MLH3: variants seen among roughly 807,000 people sequenced by gnomAD.
MLH3 encodes the protein mutL homolog 3, also known as DNA mismatch repair protein Mlh3.
Under a neutral mutation model 122.2 loss-of-function variants are expected in MLH3, and 82 were observed. That is an observed-to-expected ratio of 0.67 (90% CI 0.56 to 0.81). The LOEUF is 0.81. Ranked by LOEUF, MLH3 falls within the 30% of genes least tolerant of loss-of-function variation. The probability of loss-of-function intolerance (pLI) is 0.00; values close to 1 mark genes in which losing one functional copy is unlikely to be tolerated. For synonymous variants in MLH3, 524 were observed against 599.5 expected (o/e 0.87, Z 1.84); for missense variants, 1,539 against 1,714.5 (o/e 0.90, Z 1.81).
In MLH3 at chr14:75,015,852, G is replaced by A. The variant is rs1411160482; in HGVS notation, c.*1230C>T. The A allele has an allele frequency of 1.8e-5, 4 of 225,582 alleles. No homozygotes were observed. The highest frequency in any genetic ancestry group is 6.7e-5 in the African/African-American group (3 of 44,874). The allele number at this position is 225,582 out of a possible 1,614,324, so 14.0% of individuals were successfully genotyped here. ...AAAGGAACTTTTCTTCCATGAGCAC[G>A]AATTGGTTTCCTGTATTAAAAAATG... On this transcript the variant is annotated 3_prime_UTR_variant, in exon 13 of 13. Transcript: ENST00000355774.
intron 9 of MLH3, among the ~76,000 whole-genome samples, chr14:75,025,320 C>G (rs900210139): frequency 6.6e-6 from 1 of 152,160 alleles, no homozygotes; most frequent in Non-Finnish European, 1.5e-5. Context: ...CCACCTCATC[C>G]CCAGGAAATG....
intron 6 of MLH3, among the ~76,000 whole-genome samples, chr14:75,035,599 T>C (rs1015758634): frequency 8.5e-5 from 13 of 152,360 alleles, no homozygotes; most frequent in African/African-American, 3.1e-4. Flanking sequence ...ACAAATTCTA[T>C]ATTCATGATA....
intron 11 of MLH3, 183 bp from the exon 12 acceptor site, chr14:75,019,163 G>A (rs1006526952): frequency 1.7e-6 from 1 of 602,818 alleles, no homozygotes; most frequent in East Asian, 3.0e-5. Context: ...TGTAATCCCA[G>A]CACTTTGGGA....
rs1485336498 is a variant in MLH3 at position 75,018,421 on chromosome 14, C to T, written c.4242+408G>A. ...GGGATGGCCAGCTACAGTCACAGATCACCGTTTCCAGCAGGTACTATCAAG... is the reference window on the plus strand; with the variant it reads ...GGGATGGCCAGCTACAGTCACAGATTACCGTTTCCAGCAGGTACTATCAAG... On this transcript the variant is annotated intron_variant, in intron 12 of 12. Transcript: ENST00000355774. 7.2e-5 allele frequency among the ~76,000 whole-genome samples: 11 copies of T among 152,184 alleles called. No homozygotes were observed. In the East Asian group the frequency reaches 2.1e-3, roughly 29 times the overall value.
intron 9 of MLH3, among the ~76,000 whole-genome samples, chr14:75,024,279 G>A (rs1479312689): frequency 1.3e-5 from 2 of 152,026 alleles, no homozygotes; most frequent in African/African-American, 2.4e-5. Flanking sequence ...TTGGCTCACC[G>A]CAACCTCTGC....
At position 75,039,893 on chromosome 14, in the gene MLH3, T is replaced by G; in HGVS notation, c.3570+18A>C. ...TATATATATATATATTTATGAGATT[T>G]TGAAGTTAATCTTTTACCTGCATTG... is the stretch of plus-strand genomic sequence containing the variant. On this transcript the variant is annotated intron_variant, in intron 5 of 12. Coordinates refer to ENST00000355774, the MANE Select transcript of MLH3 (RefSeq NM_001040108.2). The G allele has an allele frequency of 2.4e-6, 2 of 823,784 alleles. No homozygotes were observed. Among genetic ancestry groups the G allele is most frequent in the Non-Finnish European group, 3.8e-6 (2 of 526,926 alleles). 51.0% of individuals were successfully genotyped at this position (823,784 alleles called of 1,614,324 possible). A position where few individuals can be genotyped will look rare whatever the true frequency, so the allele number is the denominator to read the frequency against.
Position 75,039,960 on chromosome 14 carries a change from T to C in MLH3, c.3521A>G (p.Asn1174Ser). 1 of 1,598,218 alleles carries C rather than the reference T, an allele frequency of 6.3e-7. No individual in the cohort carries two copies. The highest frequency in any genetic ancestry group is 1.1e-5 in the South Asian group (1 of 90,824). ...QAESLAVKIHNILYPYRFTKG... is the reference protein window; with the variant it reads ...QAESLAVKIHSILYPYRFTKG... The stretch of plus-strand genomic sequence containing the variant: ...GGTGAAACGATAGGGATACAAGATG[T>C]TGTGAATTTTAACTGCTAAGCTCTC... Residue 1174 changes from asparagine to serine, a missense_variant, in exon 5 of 13, where the codon AAC becomes AGC. Coordinates refer to ENST00000355774, the MANE Select transcript of MLH3 (RefSeq NM_001040108.2).
chr14:75,029,809 A>G (rs1385922101), intron 9 of MLH3, among the ~76,000 whole-genome samples: 1 of 152,092 alleles, frequency 6.6e-6, no homozygotes, highest in Admixed American at 6.5e-5. Context: ...TGCTGGCATT[A>G]CAGGTGTGAG....
rs1891085706 is a variant in MLH3 at position 75,032,092 on chromosome 14, G to C, written c.3803C>G (p.Thr1268Arg). Residue 1268 changes from threonine to arginine, a missense_variant, in exon 8 of 13, where the codon ACA (threonine) becomes AGA (arginine). Physicochemically the swap from Thr to Arg is moderately conservative, Grantham distance 71. Coordinates refer to ENST00000355774, the MANE Select transcript of MLH3 (RefSeq NM_001040108.2). ...CCATAAGAGTCTCCTTTGTTCCTCT[G>C]TCACTGTTATCTCTAGCGGAGGAAT... ...TLIPPLEITV[T>R]EEQRRLLWCY... 25 of 1,611,770 alleles carry C rather than the reference G, an allele frequency of 1.6e-5. No homozygotes were observed. The highest frequency in any genetic ancestry group is 2.1e-5 in the Non-Finnish European group (25 of 1,177,884).
intron 9 of MLH3, among the ~76,000 whole-genome samples, chr14:75,024,570 C>T (rs1469041207): frequency 1.3e-5 from 2 of 152,202 alleles, no homozygotes; most frequent in African/African-American, 4.8e-5. Context: ...TGCCATGGCG[C>T]GATCTCAGCT....
At chr14:75,046,224 C>A in intron 2 of MLH3, 152 bp downstream of exon 2, 1 of 690,458 alleles carries the variant, frequency 1.4e-6, no homozygotes, top group Non-Finnish European at 2.4e-6. Flanking sequence ...AGCAAATCTT[C>A]ATATAGCATG....
In MLH3 at chr14:75,022,927, A is replaced by C. The variant is rs752061327; in HGVS notation, c.4012-35T>G. 4 of 1,613,838 alleles carry C rather than the reference A, an allele frequency of 2.5e-6. No homozygotes were observed. The Admixed American group carries it at 6.7e-5, about 27-fold the overall frequency. ...AAACACGTTATTAACAGGAAAAGAA[A>C]ACGGAACAACGAAGCCTTTTATGTG... On this transcript the variant is annotated intron_variant, in intron 10 of 12. Coordinates refer to ENST00000355774, the MANE Select transcript of MLH3 (RefSeq NM_001040108.2).
At chr14:75,045,422 A>C (rs1337281063) in intron 2 of MLH3, among the ~76,000 whole-genome samples, 1 of 152,254 alleles carries the variant, frequency 6.6e-6, no homozygotes. Flanking sequence ...CATTATAATA[A>C]AGTACATTTG....
intron 1 of MLH3, chr14:75,051,053 G>GA: frequency 6.6e-6 from 1 of 152,396 alleles, no homozygotes; most frequent in African/African-American, 2.4e-5. Flanking sequence ...CAAGTATTCC[G>GA]ATTAATGTAA....
Position 75,048,295 on chromosome 14 carries a change from G to GT in MLH3, c.1360dup (p.Thr454AsnfsTer32). The GT allele has an allele frequency of 6.2e-7, 1 of 1,614,016 alleles. No individual in the cohort carries two copies. The highest frequency in any genetic ancestry group is 8.5e-7 in the Non-Finnish European group (1 of 1,179,990). ...GTCTTTGTTTTGTAAAGATGGCTCT[G>GT]TCATTTTGCTATGGCCTGGACCACC... On this transcript the variant is annotated frameshift_variant, in exon 2 of 13. Transcript: ENST00000355774. LOFTEE classifies it high-confidence loss of function.
At position 75,028,115 on chromosome 14, in the gene MLH3, AAAAG is replaced by A. The variant is rs150336553; in HGVS notation, c.3987+2424_3987+2427del. Among the ~76,000 whole-genome samples, 898 of 152,264 alleles carry A rather than the reference AAAAG, an allele frequency of 5.9e-3. 7 individuals carry two copies. Among genetic ancestry groups the A allele is most frequent in the African/African-American group, 0.021 (862 of 41,570 alleles). ...CAAAATAAATGATATTTGCTATAAA[AAAAG>A]AAACATATAAGTAATCAAAATAAAA... On this transcript the variant is annotated intron_variant, in intron 9 of 12. Transcript: ENST00000355774.
chr14:75,047,894 TAG>T lies in MLH3; in HGVS notation c.1760_1761del (p.Ser587Ter), dbSNP rs1426485188. On this transcript the variant is annotated frameshift_variant, in exon 2 of 13. Coordinates refer to ENST00000355774, the MANE Select transcript of MLH3 (RefSeq NM_001040108.2). LOFTEE classifies it high-confidence loss of function. The stretch of plus-strand genomic sequence containing the variant: ...AAAACATTTCTTCTTCCACAATTGC[TAG>T]ATTCTTTTTTTTTCTCTTTCTCTGT... ...AQTEKEKKKE[S>X]SNCGRRNVFS... is the part of the protein sequence containing the mutation. The T allele has an allele frequency of 6.2e-7, 1 of 1,613,442 alleles. No individual in the cohort carries two copies. The highest frequency in any genetic ancestry group is 8.5e-7 in the Non-Finnish European group (1 of 1,179,886).
chr14:75,024,178 T>C (rs1335352366), intron 9 of MLH3, among the ~76,000 whole-genome samples: 1 of 152,196 alleles, frequency 6.6e-6, no homozygotes, highest in Non-Finnish European at 1.5e-5. Flanking sequence ...ATTTTTATTT[T>C]ATTTTTTATT....
chr14:75,023,960 CAT>C (rs1338940607), intron 9 of MLH3, among the ~76,000 whole-genome samples: 3 of 152,250 alleles, frequency 2.0e-5, no homozygotes, highest in East Asian at 1.9e-4. Flanking sequence ...TTAAAAATCA[CAT>C]GTTTTCCCAA....
Sources: allele counts gnomAD v4.1 joint callset (sites outside exome capture counted in the v4.1 genomes callset), GRCh38; gene constraint gnomAD v4.1.1; transcripts MANE v1.5; gene names NCBI Gene and HGNC (gene_info 2026-07-23, HGNC 2026-07-21).